Variants in CNTN3 observed in about 807,000 individuals in gnomAD.
The protein encoded by CNTN3 is contactin-3.
Under a neutral mutation model 119.1 loss-of-function variants are expected in CNTN3, and 60 were observed. The ratio of observed to expected loss-of-function variants is 0.50; its 90% CI spans 0.41 to 0.62. The LOEUF (loss-of-function observed/expected upper bound fraction) is 0.62, where lower values mean the gene tolerates loss of function less well. Among genes scored for constraint, CNTN3 ranks in the 20% least tolerant of loss-of-function variants. The pLI is 0.00. For missense variants in CNTN3, 1,101 were observed against 1,242.4 expected (o/e 0.89, Z 1.71); for synonymous variants, 450 against 438.7 (o/e 1.03, Z -0.32).
intron 5 of CNTN3, among the ~76,000 whole-genome samples, chr3:74,403,718 C>T (rs1348154426): frequency 1.3e-5 from 2 of 152,036 alleles, no homozygotes; most frequent in Admixed American, 6.6e-5. Flanking sequence ...TCAAAGTGAT[C>T]ATGAAACCAA....
intron 1 of CNTN3, among the ~76,000 whole-genome samples, chr3:74,549,248 C>G (rs1374298226): frequency 2.0e-5 from 3 of 152,192 alleles, no homozygotes; most frequent in African/African-American, 4.8e-5. Context: ...TTTGCTGTCT[C>G]TGTCCTGCCA....
chr3:74,306,708 T>A (rs918441502), intron 13 of CNTN3, among the ~76,000 whole-genome samples: 3 of 152,324 alleles, frequency 2.0e-5, no homozygotes, highest in Admixed American at 1.3e-4. Flanking sequence ...TATTCCAGTA[T>A]CTTACGTAGG....
At chr3:74,272,329 C>T (rs1192450502) in intron 20 of CNTN3, among the ~76,000 whole-genome samples, 1 of 152,068 alleles carries the variant, frequency 6.6e-6, no homozygotes, top group Non-Finnish European at 1.5e-5. Context: ...GCAAGTGGGG[C>T]AGATTTTCAA....
At chr3:74,334,980 G>T in intron 12 of CNTN3, 70 bp from the exon 13 acceptor site, 1 of 1,181,460 alleles carries the variant, frequency 8.5e-7, no homozygotes, top group Non-Finnish European at 1.2e-6. Context: ...CAGGCAGACT[G>T]TTCATCTAAC....
chr3:74,477,424 G>T (rs1175021253), intron 4 of CNTN3, among the ~76,000 whole-genome samples: 1 of 152,096 alleles, frequency 6.6e-6, no homozygotes, highest in East Asian at 1.9e-4. Flanking sequence ...ACCAGCAAGA[G>T]GGACTCAGTA....
chr3:74,529,997 A>C (rs1349540641), intron 1 of CNTN3, among the ~76,000 whole-genome samples: 2 of 151,996 alleles, frequency 1.3e-5, no homozygotes, highest in Non-Finnish European at 2.9e-5. Context: ...CTAACTGTGC[A>C]CACTAGCCCA....
chr3:74,324,077 T>G (rs1045088572), intron 13 of CNTN3, among the ~76,000 whole-genome samples: 1 of 152,214 alleles, frequency 6.6e-6, no homozygotes, highest in Non-Finnish European at 1.5e-5. Flanking sequence ...TATACTCACA[T>G]GTACATAAAC....
At chr3:74,311,552 T>C (rs892366303) in intron 13 of CNTN3, among the ~76,000 whole-genome samples, 3 of 152,236 alleles carry the variant, frequency 2.0e-5, no homozygotes, top group Non-Finnish European at 2.9e-5. Flanking sequence ...CATGTTCAGA[T>C]CAGTTAAATG....
chr3:74,356,993 G>A (rs896010258), intron 11 of CNTN3, among the ~76,000 whole-genome samples: 8 of 151,854 alleles, frequency 5.3e-5, no homozygotes, highest in African/African-American at 1.7e-4. Flanking sequence ...GCATGATCTC[G>A]GCTCACTGCA....
chr3:74,466,435 G>C (rs1450199828), intron 4 of CNTN3, among the ~76,000 whole-genome samples: 1 of 152,140 alleles, frequency 6.6e-6, no homozygotes, highest in Non-Finnish European at 1.5e-5. Flanking sequence ...GTATGATAAT[G>C]AAATTTATAT....
chr3:74,584,182 T>A (rs1470329189), intron 1 of CNTN3, among the ~76,000 whole-genome samples: 1 of 152,208 alleles, frequency 6.6e-6, no homozygotes, highest in African/African-American at 2.4e-5. Context: ...TTGTATTTTC[T>A]ACAACACAAT....
chr3:74,441,297 A>G (rs1371377156), intron 4 of CNTN3, among the ~76,000 whole-genome samples: 1 of 152,166 alleles, frequency 6.6e-6, no homozygotes, highest in African/African-American at 2.4e-5. Context: ...ATGGAAATAA[A>G]TATTATGATA....
intron 1 of CNTN3, among the ~76,000 whole-genome samples, chr3:74,570,207 T>G (rs1349806419): frequency 6.6e-6 from 1 of 151,696 alleles, no homozygotes; most frequent in Non-Finnish European, 1.5e-5. Context: ...CTACAAGACA[T>G]GTATATGGAG....
At chr3:74,382,069 A>G (rs1387456888) in intron 5 of CNTN3, among the ~76,000 whole-genome samples, 1 of 152,038 alleles carries the variant, frequency 6.6e-6, no homozygotes, top group African/African-American at 2.4e-5. Flanking sequence ...TTAGCCAGGC[A>G]TGGTGGCACA....
At chr3:74,511,419 T>C (rs888423481) in intron 2 of CNTN3, among the ~76,000 whole-genome samples, 2 of 152,154 alleles carry the variant, frequency 1.3e-5, no homozygotes, top group African/African-American at 4.8e-5. Flanking sequence ...CCCTTTATCC[T>C]TCAAGGCATA....
At chr3:74,279,418 C>T (rs1035009258) in intron 20 of CNTN3, among the ~76,000 whole-genome samples, 3 of 152,076 alleles carry the variant, frequency 2.0e-5, no homozygotes, top group African/African-American at 2.4e-5. Flanking sequence ...CATATACATA[C>T]ACATACAAAC....
chr3:74,506,042 G>A (rs1162626016), intron 2 of CNTN3, among the ~76,000 whole-genome samples: 1 of 152,136 alleles, frequency 6.6e-6, no homozygotes, highest in African/African-American at 2.4e-5. Flanking sequence ...CGCAGGAATG[G>A]CAGAGCCCTT....
intron 1 of CNTN3, among the ~76,000 whole-genome samples, chr3:74,587,968 C>A (rs188065727): frequency 2.4e-4 from 36 of 152,182 alleles, no homozygotes; most frequent in African/African-American, 8.4e-4. Flanking sequence ...AGATACGTCC[C>A]ATCAATACCT....
rs563463292 is a variant in CNTN3 at position 74,356,559 on chromosome 3, T to A, written c.1364+5331A>T. 4.7e-4 allele frequency among the ~76,000 whole-genome samples: 72 copies of A among 152,208 alleles called. 1 individual carries two copies. Among genetic ancestry groups the A allele is most frequent in the Non-Finnish European group, 2.6e-4 (18 of 68,032 alleles). Reference sequence around the variant, plus strand: ...TACCTGTCTGTATACCCTGAAAAGCTACAAACAATGGCATCGATGTATCTG... The same window carrying A: ...TACCTGTCTGTATACCCTGAAAAGCAACAAACAATGGCATCGATGTATCTG... On this transcript the variant is annotated intron_variant, in intron 11 of 22. Coordinates refer to ENST00000263665, the MANE Select transcript of CNTN3 (RefSeq NM_020872.3).
Sources: gnomAD v4.1 joint callset for allele counts (sites outside exome capture counted in the v4.1 genomes callset) on GRCh38, gnomAD v4.1.1 for gene constraint, MANE v1.5 for transcripts, NCBI Gene and HGNC (gene_info 2026-07-23, HGNC 2026-07-21) for gene names.